UTS2: variants seen among roughly 807,000 people sequenced by gnomAD.
UTS2 encodes the protein urotensin-2.
A neutral mutation model predicts 12.6 loss-of-function variants in UTS2; 10 were observed. The observed-to-expected ratio is 0.80, with a 90% CI of 0.49 to 1.35. UTS2 has a LOEUF of 1.35. UTS2 is among the 40% of genes most tolerant of loss of function. The pLI is 0.00. For synonymous variants in UTS2, 52 were observed against 50.0 expected (o/e 1.04, Z -0.17); for missense variants, 142 against 143.2 (o/e 0.99, Z 0.04).
chr1:7,904,308 A>G, the UTS2 span, among the ~76,000 whole-genome samples: 1 of 138,972 alleles, frequency 7.2e-6, no homozygotes, highest in African/African-American at 3.1e-5. Context: ...TCTACAAAAA[A>G]TAAAAAAAAA....
the UTS2 span, among the ~76,000 whole-genome samples, chr1:7,912,899 G>A: frequency 1.3e-5 from 2 of 151,470 alleles, no homozygotes; most frequent in Non-Finnish European, 2.9e-5. Flanking sequence ...CTAAGAAATC[G>A]TTTATTTTTT....
At chr1:7,850,773 AT>A (rs1204386315) in intron 2 of UTS2, 38 bp downstream of exon 2, 2 of 1,598,610 alleles carry the variant, frequency 1.3e-6, no homozygotes, top group Non-Finnish European at 1.7e-6. Flanking sequence ...TTCAGTAGCA[AT>A]TAAATCAGAC....
the UTS2 span, among the ~76,000 whole-genome samples, chr1:7,872,549 C>T: frequency 6.6e-6 from 1 of 152,054 alleles, no homozygotes; most frequent in Admixed American, 6.6e-5. Context: ...GATAGAAGAT[C>T]AAACCAGTCA....
At chr1:7,906,449 G>GAAAGAAAGAAAGAA in the UTS2 span, among the ~76,000 whole-genome samples, 1 of 73,226 alleles carries the variant, frequency 1.4e-5, no homozygotes, top group Admixed American at 1.7e-4. Flanking sequence ...GAAAGAAAAA[G>GAAAGAAAGAAAGAA]AGAAAGAAAG....
chr1:7,886,532 G>A, the UTS2 span, among the ~76,000 whole-genome samples: 17 of 152,254 alleles, frequency 1.1e-4, no homozygotes, highest in East Asian at 2.1e-3. Flanking sequence ...GCTTACGGGA[G>A]CGGGTTCTGC....
chr1:7,878,559 T>C, the UTS2 span, among the ~76,000 whole-genome samples: 1 of 152,134 alleles, frequency 6.6e-6, no homozygotes, highest in Non-Finnish European at 1.5e-5. Flanking sequence ...TGAGTTTAAA[T>C]TGATTAAATT....
chr1:7,892,060 G>C, the UTS2 span, among the ~76,000 whole-genome samples: 1 of 152,198 alleles, frequency 6.6e-6, no homozygotes, highest in Non-Finnish European at 1.5e-5. Flanking sequence ...CCGGCCAGCG[G>C]CCTCCCTGGA....
intron 1 of UTS2, among the ~76,000 whole-genome samples, chr1:7,851,546 T>C (rs2097414216): frequency 6.6e-6 from 1 of 152,102 alleles, no homozygotes. Context: ...CACCGGAGTG[T>C]GAGGCGTGGT....
chr1:7,899,595 C>A, the UTS2 span, among the ~76,000 whole-genome samples: 2 of 152,138 alleles, frequency 1.3e-5, no homozygotes, highest in Non-Finnish European at 2.9e-5. Flanking sequence ...CAGCCTCAAC[C>A]TTCCCAGGCT....
At chr1:7,894,173 CT>C in the UTS2 span, among the ~76,000 whole-genome samples, 8 of 149,444 alleles carry the variant, frequency 5.4e-5, no homozygotes, top group African/African-American at 2.0e-4. Context: ...TTATCTCTCT[CT>C]TTTTTTATTT....
chr1:7,852,778 A>G (rs2097415386), intron 1 of UTS2, 123 bp downstream of exon 1: 3 of 1,111,052 alleles, frequency 2.7e-6, no homozygotes, highest in Non-Finnish European at 3.8e-6. Context: ...CAAAGCTGGG[A>G]CTATTGAGAG....
At position 7,852,889 on chromosome 1, in the gene UTS2, A is replaced by T; in HGVS notation, c.103+12T>A. 6.2e-7 allele frequency: 1 copy of T among 1,600,104 alleles called. No individual in the cohort carries two copies. Among genetic ancestry groups the T allele is most frequent in the East Asian group, 2.2e-5 (1 of 44,738 alleles). On this transcript the variant is annotated intron_variant, in intron 1 of 3. Transcript: ENST00000361696. ...TTTCAAGACTAACATAAGGGGAAAA[A>T]AAAAATCTTACCTGAGAGTTGAAAG...
upstream of UTS2, among the ~76,000 whole-genome samples, chr1:7,857,092 A>C (rs1466500928): frequency 8.2e-6 from 1 of 122,470 alleles, no homozygotes. Flanking sequence ...GGAAGGAAGG[A>C]AGGAAGAAAA....
At chr1:7,862,160 C>A in the UTS2 span, among the ~76,000 whole-genome samples, 3 of 151,750 alleles carry the variant, frequency 2.0e-5, no homozygotes, top group Non-Finnish European at 4.4e-5. Flanking sequence ...TGATTCCCCC[C>A]CCGCCCCCGC....
chr1:7,904,310 A>T, the UTS2 span, among the ~76,000 whole-genome samples: 81,544 of 136,888 alleles, frequency 0.6, 22,884 homozygotes, highest in East Asian at 0.7. Flanking sequence ...TACAAAAAAT[A>T]AAAAAAAAAA....
At chr1:7,885,220 T>A in the UTS2 span, among the ~76,000 whole-genome samples, 1 of 152,228 alleles carries the variant, frequency 6.6e-6, no homozygotes, top group Non-Finnish European at 1.5e-5. Context: ...AAAGGGAACA[T>A]CTTTGGAAAG....
chr1:7,874,286 C>G, the UTS2 span, among the ~76,000 whole-genome samples: 4 of 152,158 alleles, frequency 2.6e-5, no homozygotes, highest in African/African-American at 9.7e-5. Context: ...GTATAGAGAG[C>G]CGCCTGCATT....
At chr1:7,892,677 G>C in the UTS2 span, among the ~76,000 whole-genome samples, 1 of 151,452 alleles carries the variant, frequency 6.6e-6, no homozygotes, top group African/African-American at 2.4e-5. Context: ...CGGGGAGGCG[G>C]GATATTGCCA....
chr1:7,870,290 G>A, the UTS2 span, among the ~76,000 whole-genome samples: 2 of 152,174 alleles, frequency 1.3e-5, no homozygotes, highest in African/African-American at 4.8e-5. Flanking sequence ...AGGGACGACC[G>A]AGTGAGGACA....
Sources: gnomAD v4.1 joint callset for allele counts (sites outside exome capture counted in the v4.1 genomes callset) on GRCh38, gnomAD v4.1.1 for gene constraint, MANE v1.5 for transcripts, NCBI Gene and HGNC (gene_info 2026-07-23, HGNC 2026-07-21) for gene names.